Variants in WBP2NL observed in about 807,000 individuals in gnomAD.
WBP2NL encodes the protein WBP2 N-terminal like.
A neutral mutation model predicts 23.3 loss-of-function variants in WBP2NL; 27 were observed. The ratio of observed to expected loss-of-function variants is 1.16; its 90% CI spans 0.85 to 1.60. The LOEUF (loss-of-function observed/expected upper bound fraction) is 1.60. Among genes scored for constraint, WBP2NL ranks in the 40% most tolerant of loss-of-function variants. The pLI is 0.00. For synonymous variants in WBP2NL, 151 were observed against 145.9 expected, an observed-to-expected ratio of 1.03 and a Z score of -0.25; for missense variants, 370 against 389.5, an observed-to-expected ratio of 0.95 and a Z score of 0.42.
downstream of WBP2NL, chr22:42,028,611 G>C (rs1924713449): frequency 1.3e-5 from 2 of 152,214 alleles, no homozygotes; most frequent in Non-Finnish European, 2.9e-5. Flanking sequence ...TGAATATGTT[G>C]CTTTGGTGAC....
intron 1 of WBP2NL, among the ~76,000 whole-genome samples, chr22:42,005,091 C>G (rs1922090919): frequency 1.3e-5 from 2 of 151,878 alleles, no homozygotes; most frequent in African/African-American, 4.8e-5. Flanking sequence ...GTGGTGCGTG[C>G]CTGTAATCCC....
chr22:42,040,475 G>A (rs754648830), intron 8 of WBP2NL, among the ~76,000 whole-genome samples: 4 of 152,020 alleles, frequency 2.6e-5, no homozygotes, highest in East Asian at 1.9e-4. Context: ...TGCCTGCCTC[G>A]GCCTCCCAAA....
intron 1 of WBP2NL, among the ~76,000 whole-genome samples, chr22:42,014,015 C>A (rs1049244975): frequency 7.9e-5 from 12 of 152,158 alleles, no homozygotes; most frequent in Admixed American, 3.9e-4. Flanking sequence ...TTCCTGACTT[C>A]AGGTGATCCA....
intron 8 of WBP2NL, among the ~76,000 whole-genome samples, chr22:42,046,546 A>T (rs1925595147): frequency 6.6e-6 from 1 of 152,212 alleles, no homozygotes; most frequent in Non-Finnish European, 1.5e-5. Context: ...ATTTTTTGTC[A>T]CATCATTTTT....
intron 4 of WBP2NL, among the ~76,000 whole-genome samples, chr22:42,021,596 C>T (rs1226223299): frequency 6.6e-6 from 1 of 152,248 alleles, no homozygotes; most frequent in Admixed American, 6.5e-5. Context: ...TTCGGTACCA[C>T]ACTTCCTCAC....
chr22:42,049,695 CAAAACAAAACAAAAAAAAAAA>C (rs1925750522), intron 8 of WBP2NL, among the ~76,000 whole-genome samples: 2 of 22,860 alleles, frequency 8.7e-5, no homozygotes, highest in Middle Eastern at 0.017. Flanking sequence ...GTCTCCAAAA[CAAAACAAAACAAAAAAAAAAA>C]AAAAAAAAAA....
chr22:42,020,862 GTGTGTGTATATATATATA>G lies in WBP2NL; in HGVS notation c.406+768_406+785del, dbSNP rs1376215907. Among the ~76,000 whole-genome samples the G allele has an allele frequency of 1.3e-3, 43 of 33,964 alleles. 1 individual carries two copies. The highest frequency in any genetic ancestry group is 6.7e-3 in the African/African-American group (40 of 5,946). The allele number at this position is 33,964 out of a possible 152,430, so 22.3% of individuals were successfully genotyped here. On this transcript the variant is annotated intron_variant, in intron 4 of 5. Transcript: ENST00000328823. ...TTTTTTATCTCATATATGTGTGTGT[GTGTGTGTATATATATATA>G]TATATATATATATATATATATATAT...
intron 1 of WBP2NL, among the ~76,000 whole-genome samples, chr22:42,016,812 T>G (rs1431057401): frequency 2.0e-5 from 3 of 152,198 alleles, no homozygotes; most frequent in Non-Finnish European, 4.4e-5. Context: ...ATTTTAGGAA[T>G]TCTTAAACTG....
chr22:42,001,763 C>G, intron 1 of WBP2NL: 2 of 1,198,422 alleles, frequency 1.7e-6, no homozygotes, highest in Non-Finnish European at 2.5e-6. Flanking sequence ...CGCACCAGGA[C>G]AGGACTCCGT....
At chr22:42,043,634 G>A (rs184342812) in intron 8 of WBP2NL, among the ~76,000 whole-genome samples, 13 of 152,308 alleles carry the variant, frequency 8.5e-5, no homozygotes, top group Admixed American at 7.2e-4. Context: ...TGGATCAGCT[G>A]CATGCATGTG....
At chr22:42,002,811 G>T (rs1921834769) in intron 1 of WBP2NL, 1 of 149,750 alleles carries the variant, frequency 6.7e-6, no homozygotes, top group African/African-American at 2.4e-5. Flanking sequence ...CACCAAAGAA[G>T]ATCCTATTAG....
At chr22:42,024,473 C>T (rs567791950) in intron 5 of WBP2NL, among the ~76,000 whole-genome samples, 2 of 152,082 alleles carry the variant, frequency 1.3e-5, no homozygotes, top group East Asian at 3.9e-4. Flanking sequence ...CCTATTTCTA[C>T]ACATCCTCAG....
chr22:42,043,689 T>G (rs1925481106), intron 8 of WBP2NL, among the ~76,000 whole-genome samples: 2 of 152,052 alleles, frequency 1.3e-5, no homozygotes, highest in African/African-American at 4.8e-5. Flanking sequence ...CAAATGTTCT[T>G]TCAACAATCT....
At chr22:42,052,183 G>T (rs1056398451) in intron 8 of WBP2NL, among the ~76,000 whole-genome samples, 2 of 152,174 alleles carry the variant, frequency 1.3e-5, no homozygotes, top group African/African-American at 4.8e-5. Flanking sequence ...GTAAAGGTCT[G>T]TCTTTGTAGG....
At chr22:42,053,026 T>C (rs1340486741) in intron 8 of WBP2NL, among the ~76,000 whole-genome samples, 1 of 152,208 alleles carries the variant, frequency 6.6e-6, no homozygotes, top group Non-Finnish European at 1.5e-5. Context: ...TTGGCAACCA[T>C]TTATCTACTT....
chr22:42,001,336 A>G (rs576440170), intron 1 of WBP2NL: 12 of 694,294 alleles, frequency 1.7e-5, no homozygotes, highest in African/African-American at 7.1e-5. Flanking sequence ...ACTGATGACA[A>G]TGTGAGTGTT....
At chr22:42,034,151 T>G (rs977780767), downstream of WBP2NL, among the ~76,000 whole-genome samples, 5 of 152,270 alleles carry the variant, frequency 3.3e-5, no homozygotes, top group Admixed American at 6.5e-5. Flanking sequence ...CTGCCCAACT[T>G]TGCTCTGAGA....
chr22:42,001,002 G>C, intron 1 of WBP2NL: 1 of 545,290 alleles, frequency 1.8e-6, no homozygotes, highest in Non-Finnish European at 3.2e-6. Context: ...CAAAAAAAAA[G>C]AATGCTCAAG....
chr22:42,004,876 A>G (rs1486970536), intron 1 of WBP2NL, among the ~76,000 whole-genome samples: 1 of 152,124 alleles, frequency 6.6e-6, no homozygotes, highest in Non-Finnish European at 1.5e-5. Context: ...ATGAGCCAAG[A>G]TCACACCATT....
Sources: allele counts gnomAD v4.1 joint callset (sites outside exome capture counted in the v4.1 genomes callset), GRCh38; gene constraint gnomAD v4.1.1; transcripts MANE v1.5; gene names NCBI Gene and HGNC (gene_info 2026-07-23, HGNC 2026-07-21).